PALM2AKAP2: variants seen among roughly 807,000 people sequenced by gnomAD.
PALM2AKAP2 encodes the protein PALM2 and AKAP2 fusion.
A neutral mutation model predicts 71.5 loss-of-function variants in PALM2AKAP2; 37 were observed. That is an observed-to-expected ratio of 0.52 (90% confidence interval 0.40 to 0.68). PALM2AKAP2 has a LOEUF of 0.68. Ranked by LOEUF, PALM2AKAP2 falls within the 30% of genes least tolerant of loss-of-function variation. The pLI is 0.00. For synonymous variants in PALM2AKAP2, 468 were observed against 478.8 expected, an observed-to-expected ratio of 0.98 and a Z score of 0.29; for missense variants, 1,224 against 1,191.8, an observed-to-expected ratio of 1.03 and a Z score of -0.40.
chr9:110,095,162 C>G (rs1834806848), intron 1 of PALM2AKAP2, among the ~76,000 whole-genome samples: 3 of 152,118 alleles, frequency 2.0e-5, no homozygotes, highest in Admixed American at 2.0e-4. Flanking sequence ...TTTCTTATGC[C>G]AAGTTTAAGT....
intron 6 of PALM2AKAP2, among the ~76,000 whole-genome samples, chr9:110,003,805 A>C (rs933917283): frequency 6.6e-6 from 1 of 151,780 alleles, no homozygotes; most frequent in Non-Finnish European, 1.5e-5. Context: ...GTCTCTTTTG[A>C]TCTTTGTTGG....
chr9:110,061,802 G>T (rs1833971142), intron 1 of PALM2AKAP2, among the ~76,000 whole-genome samples: 1 of 142,076 alleles, frequency 7.0e-6, no homozygotes, highest in Middle Eastern at 3.4e-3. Context: ...GCCTCCCAAA[G>T]TGCTGGGATT....
At chr9:109,813,266 TGA>T (rs1827769544) in intron 1 of PALM2AKAP2, among the ~76,000 whole-genome samples, 1 of 152,174 alleles carries the variant, frequency 6.6e-6, no homozygotes, top group South Asian at 2.1e-4. Context: ...TGTCAAGAGC[TGA>T]GAGAGCTACA....
In PALM2AKAP2 at chr9:109,862,288, A is replaced by G. The variant is rs1023829174; in HGVS notation, c.46-5203A>G. ...GAAAATGGGAGATTTATTAGTGTATATAATTTAGGAAGCCTGGGGATGGTT... is the reference window on the plus strand; with the variant it reads ...GAAAATGGGAGATTTATTAGTGTATGTAATTTAGGAAGCCTGGGGATGGTT... On this transcript the variant is annotated intron_variant, in intron 1 of 9. Coordinates refer to the PALM2AKAP2 transcript ENST00000302798. Among the ~76,000 whole-genome samples, 10 of 152,326 alleles carry G rather than the reference A, an allele frequency of 6.6e-5. No homozygotes were observed. In the East Asian group the frequency reaches 1.3e-3, roughly 21 times the overall value.
intron 1 of PALM2AKAP2, among the ~76,000 whole-genome samples, chr9:109,865,370 A>G (rs1829423213): frequency 1.3e-5 from 2 of 152,094 alleles, no homozygotes; most frequent in African/African-American, 4.8e-5. Flanking sequence ...AAGTGCTGGG[A>G]TTACAGGTAT....
At chr9:110,060,215 C>T (rs376341717) in intron 1 of PALM2AKAP2, among the ~76,000 whole-genome samples, 30 of 152,094 alleles carry the variant, frequency 2.0e-4, no homozygotes, top group South Asian at 6.2e-4. Flanking sequence ...TGTGTTTAAG[C>T]GATTCTGTTG....
chr9:109,888,516 C>T (rs537913380), intron 3 of PALM2AKAP2, among the ~76,000 whole-genome samples: 35 of 152,106 alleles, frequency 2.3e-4, no homozygotes, highest in Non-Finnish European at 4.4e-4. Flanking sequence ...CGAGACCAGC[C>T]TGGCCAACAT....
intron 6 of PALM2AKAP2, among the ~76,000 whole-genome samples, chr9:109,957,707 T>C (rs933722334): frequency 2.6e-5 from 4 of 152,198 alleles, no homozygotes; most frequent in African/African-American, 9.7e-5. Context: ...ATTTCTTGCT[T>C]GCTATGTATT....
chr9:109,961,600 G>A (rs913091137), intron 6 of PALM2AKAP2, among the ~76,000 whole-genome samples: 4 of 152,216 alleles, frequency 2.6e-5, no homozygotes, highest in African/African-American at 9.7e-5. Flanking sequence ...CAGTTGGGAT[G>A]ATGAACCATA....
At chr9:110,016,797 T>C (rs1311161354) in intron 7 of PALM2AKAP2, among the ~76,000 whole-genome samples, 1 of 152,240 alleles carries the variant, frequency 6.6e-6, no homozygotes, top group Non-Finnish European at 1.5e-5. Flanking sequence ...GCTTGAATGA[T>C]TATAATTTGA....
intron 1 of PALM2AKAP2, among the ~76,000 whole-genome samples, chr9:109,836,788 G>T (rs1017505616): frequency 7.2e-5 from 11 of 152,196 alleles, no homozygotes; most frequent in Non-Finnish European, 1.0e-4. Flanking sequence ...AGTGATGGAA[G>T]ATCGAATGAA....
At chr9:109,943,489 TG>T (rs1180596313) in intron 6 of PALM2AKAP2, 9 of 1,518,268 alleles carry the variant, frequency 5.9e-6, no homozygotes, top group Admixed American at 2.2e-5. Context: ...TAGACCTCAC[TG>T]TACCACTAAC....
intron 1 of PALM2AKAP2, among the ~76,000 whole-genome samples, chr9:109,713,624 C>T (rs1344687773): frequency 6.6e-6 from 1 of 152,056 alleles, no homozygotes; most frequent in Non-Finnish European, 1.5e-5. Flanking sequence ...AAATCAAAGT[C>T]TATTTCAAAA....
At chr9:110,157,783 A>T (rs993912348) in intron 3 of PALM2AKAP2, among the ~76,000 whole-genome samples, 42 of 152,216 alleles carry the variant, frequency 2.8e-4, no homozygotes, top group African/African-American at 9.6e-4. Context: ...GTTCACAGTA[A>T]GAATTCCCTG....
intron 6 of PALM2AKAP2, among the ~76,000 whole-genome samples, chr9:110,011,387 T>G (rs74884624): frequency 0.01 from 1,549 of 152,108 alleles, 26 homozygotes; most frequent in African/African-American, 0.036. Context: ...CATCTAAGCT[T>G]TGCAAATGTT....
At chr9:110,054,435 C>T (rs1833789560) in intron 1 of PALM2AKAP2, among the ~76,000 whole-genome samples, 3 of 152,106 alleles carry the variant, frequency 2.0e-5, no homozygotes, top group Non-Finnish European at 1.5e-5. Flanking sequence ...CTGTTCAAAA[C>T]TTGTGTAAAA....
intron 3 of PALM2AKAP2, among the ~76,000 whole-genome samples, chr9:110,160,378 C>T (rs16914827): frequency 0.013 from 2,012 of 152,334 alleles, 14 homozygotes; most frequent in South Asian, 0.022. Flanking sequence ...ACCATTTCTG[C>T]TCAGTCATGC....
intron 6 of PALM2AKAP2, among the ~76,000 whole-genome samples, chr9:109,936,498 G>A (rs890446046): frequency 4.6e-5 from 7 of 152,098 alleles, no homozygotes; most frequent in Admixed American, 1.3e-4. Flanking sequence ...CCATTTGCTC[G>A]AAGGGATAAG....
intron 1 of PALM2AKAP2, among the ~76,000 whole-genome samples, chr9:110,094,046 T>C (rs1834776845): frequency 6.6e-6 from 1 of 152,228 alleles, no homozygotes; most frequent in Non-Finnish European, 1.5e-5. Context: ...TGCTGCTTAA[T>C]ATCCTTCATA....
Sources: gnomAD v4.1 joint callset for allele counts (sites outside exome capture counted in the v4.1 genomes callset) on GRCh38, gnomAD v4.1.1 for gene constraint, MANE v1.5 for transcripts, NCBI Gene and HGNC (gene_info 2026-07-23, HGNC 2026-07-21) for gene names.